DMD: variants seen among roughly 807,000 people sequenced by gnomAD.
The protein encoded by DMD is mutant dystrophin.
In DMD, 63 loss-of-function variants were observed where a neutral mutation model predicts 330.1. The observed-to-expected ratio is 0.19, with a 90% CI of 0.16 to 0.24. The LOEUF is 0.24. Among genes scored for constraint, DMD ranks in the 10% least tolerant of loss-of-function variants. DMD has a pLI of 1.00. For synonymous variants in DMD, 1,223 were observed against 959.8 expected, an observed-to-expected ratio of 1.27 and a Z score of -5.07; for missense variants, 3,344 against 2,684.1, an observed-to-expected ratio of 1.25 and a Z score of -5.43.
At chrX:32,147,216 T>C (rs747496148) in intron 44 of DMD, among the ~76,000 whole-genome samples, 58 of 111,483 alleles carry the variant, frequency 5.2e-4, no homozygotes, top group African/African-American at 1.7e-3. Flanking sequence ...CCTAGCTTTG[T>C]ATTATTTTGC....
At chrX:31,258,836 T>C (rs2050226481) in intron 63 of DMD, among the ~76,000 whole-genome samples, 1 of 111,519 alleles carries the variant, frequency 9.0e-6, no homozygotes. Flanking sequence ...AGTCCATAAT[T>C]AGCTTTTCAT....
At chrX:31,979,271 G>A (rs931587855) in intron 44 of DMD, among the ~76,000 whole-genome samples, 1 of 111,369 alleles carries the variant, frequency 9.0e-6, no homozygotes, top group Non-Finnish European at 1.9e-5. Context: ...GCTGAGGCTG[G>A]TCTTGAACTC....
At chrX:31,176,262 A>G (rs922731338) in intron 71 of DMD, among the ~76,000 whole-genome samples, 11 of 111,188 alleles carry the variant, frequency 9.9e-5, no homozygotes, top group African/African-American at 3.6e-4. Flanking sequence ...AATCTAACCA[A>G]CTCTTCATAA....
chrX:32,756,310 T>C (rs1418699848), intron 7 of DMD: 1 of 112,055 alleles, frequency 8.9e-6, no homozygotes, highest in Admixed American at 9.5e-5. Flanking sequence ...ATACTTGTTT[T>C]CTGATTGAAT....
At chrX:31,524,343 TC>T (rs1192611144) in intron 55 of DMD, among the ~76,000 whole-genome samples, 1 of 112,238 alleles carries the variant, frequency 8.9e-6, no homozygotes, top group Non-Finnish European at 1.9e-5. Flanking sequence ...TCCTCTGTCT[TC>T]AATTCTTCTC....
At chrX:31,803,284 T>C (rs1198480316) in intron 50 of DMD, among the ~76,000 whole-genome samples, 1 of 112,310 alleles carries the variant, frequency 8.9e-6, no homozygotes, top group Non-Finnish European at 1.9e-5. Context: ...CACACAGGGC[T>C]GTCCACTGCA....
intron 1 of DMD, among the ~76,000 whole-genome samples, chrX:33,181,424 A>C (rs2049999043): frequency 8.9e-6 from 1 of 111,970 alleles, no homozygotes; most frequent in Admixed American, 9.5e-5. Context: ...CATGGCAGTT[A>C]TAACACAGGT....
At chrX:32,766,072 C>T (rs1366395090) in intron 7 of DMD, among the ~76,000 whole-genome samples, 1 of 110,998 alleles carries the variant, frequency 9.0e-6, no homozygotes, top group African/African-American at 3.3e-5. Flanking sequence ...TTTTTTAAGC[C>T]AATACCACAG....
chrX:33,128,057 A>G (rs2095476020), intron 1 of DMD: 4 of 1,171,581 alleles, frequency 3.4e-6, no homozygotes, highest in Non-Finnish European at 4.6e-6. Context: ...TGACCAAAAG[A>G]GTCACCTTTA....
chrX:31,302,490 G>A (rs774406326), intron 62 of DMD, among the ~76,000 whole-genome samples: 8 of 110,659 alleles, frequency 7.2e-5, no homozygotes, highest in Non-Finnish European at 1.5e-4. Flanking sequence ...GTATAGAGCT[G>A]GAAACTATAA....
At chrX:32,700,579 T>C (rs1038158954) in intron 7 of DMD, among the ~76,000 whole-genome samples, 1 of 111,780 alleles carries the variant, frequency 8.9e-6, no homozygotes, top group Non-Finnish European at 1.9e-5. Context: ...ATGCTAAGCA[T>C]ATGAAGTAAA....
intron 55 of DMD, among the ~76,000 whole-genome samples, chrX:31,579,262 A>G (rs1182989362): frequency 8.9e-6 from 1 of 112,285 alleles, no homozygotes; most frequent in East Asian, 2.8e-4. Context: ...CTTTGTGAAC[A>G]TTTCAGCCAG....
chrX:32,194,852 C>T (rs1290328204), intron 44 of DMD, among the ~76,000 whole-genome samples: 4 of 110,998 alleles, frequency 3.6e-5, no homozygotes, highest in Non-Finnish European at 7.5e-5. Context: ...TATTCTAAGC[C>T]ATAATAAAGA....
At chrX:31,955,920 T>C (rs1485981426) in intron 45 of DMD, among the ~76,000 whole-genome samples, 1 of 112,346 alleles carries the variant, frequency 8.9e-6, no homozygotes, top group East Asian at 2.8e-4. Context: ...TCGGTGACTT[T>C]GGTAGAGACT....
At chrX:32,404,837 G>T (rs2098108417) in intron 30 of DMD, among the ~76,000 whole-genome samples, 1 of 111,703 alleles carries the variant, frequency 9.0e-6, no homozygotes, top group African/African-American at 3.2e-5. Context: ...AGAAAAAAAT[G>T]AATTGAAGAA....
intron 47 of DMD, among the ~76,000 whole-genome samples, chrX:31,923,276 C>T (rs751472513): frequency 1.9e-4 from 21 of 111,583 alleles, no homozygotes; most frequent in African/African-American, 3.9e-4. Flanking sequence ...CCCCAACCCT[C>T]AGCTTCAAAC....
At chrX:32,334,694 T>A (rs180780270) in intron 41 of DMD, among the ~76,000 whole-genome samples, 2 of 111,570 alleles carry the variant, frequency 1.8e-5, no homozygotes, top group East Asian at 5.7e-4. Context: ...TATTCTTATT[T>A]CACCATCACT....
chrX:32,985,800 G>T (rs913940529), intron 2 of DMD, among the ~76,000 whole-genome samples: 1 of 111,571 alleles, frequency 9.0e-6, no homozygotes, highest in African/African-American at 3.3e-5. Flanking sequence ...AGAAAAAATA[G>T]CTTATTCCAA....
At chrX:31,900,797 C>T (rs2094411961) in intron 47 of DMD, among the ~76,000 whole-genome samples, 1 of 111,199 alleles carries the variant, frequency 9.0e-6, no homozygotes. Context: ...CTGTTCAAGT[C>T]CTTATTATCT....
Sources: allele counts gnomAD v4.1 joint callset (sites outside exome capture counted in the v4.1 genomes callset), GRCh38; gene constraint gnomAD v4.1.1; transcripts MANE v1.5; gene names NCBI Gene and HGNC (gene_info 2026-07-23, HGNC 2026-07-21).